MTHFD1L: variants seen among roughly 807,000 people sequenced by gnomAD.
MTHFD1L encodes the protein monofunctional C1-tetrahydrofolate synthase, mitochondrial.
Under a neutral mutation model 119.5 loss-of-function variants are expected in MTHFD1L, and 81 were observed. The ratio of observed to expected loss-of-function variants is 0.68; its 90% CI spans 0.57 to 0.82. MTHFD1L has a LOEUF of 0.82. Among genes scored for constraint, MTHFD1L ranks in the 40% least tolerant of loss-of-function variants. The pLI is 0.00. For missense variants in MTHFD1L, 1,125 were observed against 1,253.4 expected, an observed-to-expected ratio of 0.90 and a Z score of 1.55; for synonymous variants, 430 against 475.2, an observed-to-expected ratio of 0.90 and a Z score of 1.24.
chr6:150,896,288 C>T (rs577371756), intron 7 of MTHFD1L, among the ~76,000 whole-genome samples: 155 of 152,300 alleles, frequency 1.0e-3, no homozygotes, highest in African/African-American at 3.4e-3. Flanking sequence ...AATCCCAGAG[C>T]CATACTTGTT....
intron 26 of MTHFD1L, among the ~76,000 whole-genome samples, chr6:151,079,836 T>G (rs746750717): frequency 1.3e-5 from 2 of 151,312 alleles, no homozygotes; most frequent in Non-Finnish European, 2.9e-5. Flanking sequence ...CAGTGTGATC[T>G]CTTAAGCCAG....
chr6:150,940,767 A>G (rs549655556), intron 13 of MTHFD1L, among the ~76,000 whole-genome samples: 32 of 151,886 alleles, frequency 2.1e-4, no homozygotes, highest in Non-Finnish European at 4.1e-4. Flanking sequence ...TTTAATACAG[A>G]TGGGGTTTCA....
At chr6:150,918,871 C>G (rs1320080622) in intron 9 of MTHFD1L, among the ~76,000 whole-genome samples, 1 of 152,088 alleles carries the variant, frequency 6.6e-6, no homozygotes, top group East Asian at 1.9e-4. Context: ...GGGGCAGGGA[C>G]CCATCCTGGG....
rs886924826 is a variant in MTHFD1L at position 150,898,896 on chromosome 6, C to T, written c.781-6754C>T. ...TTCTGTCACCAGGCTGGAGTGCAGGCGCGTGATCTAGGCTCACTGCAAGCT... is the reference window on the plus strand; with the variant it reads ...TTCTGTCACCAGGCTGGAGTGCAGGTGCGTGATCTAGGCTCACTGCAAGCT... On this transcript the variant is annotated intron_variant, in intron 7 of 27. Transcript: ENST00000367321. 6 of 642,398 alleles carry T rather than the reference C, an allele frequency of 9.3e-6. No homozygotes were observed. The African/African-American group carries it at 9.9e-5, about 11-fold the overall frequency. The allele number at this position is 642,398 out of a possible 1,614,324, so 39.8% of individuals were successfully genotyped here.
At chr6:150,918,720 A>T in intron 9 of MTHFD1L, 52 bp downstream of exon 9, 1 of 1,460,772 alleles carries the variant, frequency 6.8e-7, no homozygotes, top group Non-Finnish European at 9.6e-7. Flanking sequence ...TTTGATTAAT[A>T]GTTGCTAACA....
At chr6:150,866,720 G>A in intron 1 of MTHFD1L, 1 of 1,098,042 alleles carries the variant, frequency 9.1e-7, no homozygotes, top group Non-Finnish European at 1.1e-6. Context: ...CAGCGCCCAC[G>A]GAGTCCCCGC....
chr6:150,942,808 C>T (rs1273670924), intron 13 of MTHFD1L, among the ~76,000 whole-genome samples: 5 of 151,868 alleles, frequency 3.3e-5, no homozygotes, highest in Non-Finnish European at 7.4e-5. Context: ...AAAATTTTAA[C>T]AAGAAAATAT....
intron 1 of MTHFD1L, among the ~76,000 whole-genome samples, chr6:150,873,511 T>C (rs1779893842): frequency 6.6e-6 from 1 of 152,116 alleles, no homozygotes; most frequent in Non-Finnish European, 1.5e-5. Flanking sequence ...AGATGAGGAA[T>C]CTGAGACTCT....
chr6:150,868,112 CT>C lies in MTHFD1L; in HGVS notation c.227+2067del, dbSNP rs1778744627. Among the ~76,000 whole-genome samples the C allele has an allele frequency of 6.6e-5, 10 of 152,022 alleles. 1 individual carries two copies. The South Asian group carries it at 2.1e-3, about 32-fold the overall frequency. ...ACCGCGCCTGGGCTATTCATGCATA[CT>C]TTTAGGTTTAAAGCCATGACTGCCT... On this transcript the variant is annotated intron_variant, in intron 1 of 27. Transcript: ENST00000367321.
chr6:151,059,901 C>T (rs1368369625), intron 26 of MTHFD1L, among the ~76,000 whole-genome samples: 1 of 152,086 alleles, frequency 6.6e-6, no homozygotes, highest in African/African-American at 2.4e-5. Context: ...TTTGGCTTTG[C>T]CTGGTTCCAG....
At chr6:150,937,981 C>T (rs951661317) in intron 12 of MTHFD1L, among the ~76,000 whole-genome samples, 16 of 152,108 alleles carry the variant, frequency 1.1e-4, no homozygotes, top group African/African-American at 2.9e-4. Context: ...TTATAATTTA[C>T]TCATTTGAGG....
At chr6:150,879,630 T>TG (rs1781058719) in intron 4 of MTHFD1L, among the ~76,000 whole-genome samples, 2 of 147,454 alleles carry the variant, frequency 1.4e-5, no homozygotes, top group Admixed American at 6.8e-5. Context: ...TGGTGTTTTT[T>TG]TTTTTTTTTT....
intron 26 of MTHFD1L, among the ~76,000 whole-genome samples, chr6:151,052,692 A>G (rs1430448062): frequency 6.6e-6 from 1 of 152,208 alleles, no homozygotes; most frequent in Non-Finnish European, 1.5e-5. Flanking sequence ...GGATCAGACC[A>G]TTGCATAGCT....
intron 24 of MTHFD1L, among the ~76,000 whole-genome samples, chr6:151,019,949 T>C (rs474552): frequency 0.5 from 76,738 of 152,006 alleles, 20,970 homozygotes; most frequent in African/African-American, 0.71. Context: ...TTACCTCCCC[T>C]ACAACCCCAC....
intron 26 of MTHFD1L, among the ~76,000 whole-genome samples, chr6:151,084,984 A>T (rs3849792): frequency 0.37 from 38,061 of 102,614 alleles, 6,523 homozygotes; most frequent in East Asian, 0.57. Flanking sequence ...AAAAAAAAAA[A>T]ATATATATAT....
intron 20 of MTHFD1L, among the ~76,000 whole-genome samples, chr6:150,980,710 TA>T (rs375964703): frequency 1.9e-3 from 230 of 120,912 alleles, no homozygotes; most frequent in Middle Eastern, 4.4e-3. Context: ...ACCCTGTCTC[TA>T]AAAAAAAAAA....
chr6:150,986,994 G>A (rs1266767981), intron 20 of MTHFD1L, among the ~76,000 whole-genome samples: 3 of 152,282 alleles, frequency 2.0e-5, no homozygotes, highest in African/African-American at 4.8e-5. Context: ...GAGCCACCGC[G>A]CCTGGCTGGG....
Position 150,898,249 on chromosome 6 carries a change from G to A in MTHFD1L, c.781-7401G>A, listed in dbSNP as rs117288378. On this transcript the variant is annotated intron_variant, in intron 7 of 27. Coordinates refer to ENST00000367321, the MANE Select transcript of MTHFD1L (RefSeq NM_015440.5). ...TTTCATGGCTTTTCATATATGCCTC[G>A]CACTCACCCAGCAACCCTGCAAACT... is the stretch of plus-strand genomic sequence containing the variant. 4.3e-3 allele frequency among the ~76,000 whole-genome samples: 654 copies of A among 152,130 alleles called. 2 individuals carry two copies. The highest frequency in any genetic ancestry group is 6.8e-3 in the Middle Eastern group (2 of 294).
chr6:150,908,641 AAAG>A (rs941935594), intron 8 of MTHFD1L, among the ~76,000 whole-genome samples: 5 of 151,948 alleles, frequency 3.3e-5, no homozygotes, highest in African/African-American at 9.7e-5. Flanking sequence ...AAAAAAAAGA[AAAG>A]AAAAAAAAAT....
Sources: gnomAD v4.1 joint callset for allele counts (sites outside exome capture counted in the v4.1 genomes callset) on GRCh38, gnomAD v4.1.1 for gene constraint, MANE v1.5 for transcripts, NCBI Gene and HGNC (gene_info 2026-07-23, HGNC 2026-07-21) for gene names.